LIMS1: variants seen among roughly 807,000 people sequenced by gnomAD.
The protein encoded by LIMS1 is LIM and senescent cell antigen-like-containing domain protein 1.
In LIMS1, 18 loss-of-function variants were observed where a neutral mutation model predicts 44.1. That is an observed-to-expected ratio of 0.41 (90% confidence interval 0.28 to 0.61). The LOEUF is 0.61. Among genes scored for constraint, LIMS1 ranks in the 20% least tolerant of loss-of-function variants. The pLI is 0.32. For synonymous variants in LIMS1, 93 were observed against 149.1 expected (o/e 0.62, Z 2.74); for missense variants, 201 against 422.0 (o/e 0.48, Z 4.59).
At chr2:108,644,607 C>T (rs373034692) in intron 1 of LIMS1, among the ~76,000 whole-genome samples, 11 of 152,268 alleles carry the variant, frequency 7.2e-5, no homozygotes, top group African/African-American at 2.6e-4. Flanking sequence ...AGGATCACAA[C>T]TCCTTGCCAG....
chr2:108,665,347 G>A (rs1334133933), intron 2 of LIMS1, among the ~76,000 whole-genome samples: 1 of 152,068 alleles, frequency 6.6e-6, no homozygotes, highest in African/African-American at 2.4e-5. Context: ...ACACAATGGT[G>A]AGTATTGTGT....
At chr2:108,678,456 A>G in intron 8 of LIMS1, 1 of 198,004 alleles carries the variant, frequency 5.1e-6, no homozygotes, top group South Asian at 9.1e-5. Flanking sequence ...GTACTGTGGT[A>G]ATTAGGCTGG....
intron 6 of LIMS1, 48 bp downstream of exon 6, chr2:108,676,076 A>G: frequency 6.4e-7 from 1 of 1,552,204 alleles, no homozygotes; most frequent in East Asian, 2.3e-5. Flanking sequence ...AATCTCCATG[A>G]TTAAGGGGTA....
intron 1 of LIMS1, among the ~76,000 whole-genome samples, chr2:108,601,268 C>A (rs571348639): frequency 1.1e-3 from 163 of 152,234 alleles, no homozygotes; most frequent in African/African-American, 3.9e-3. Flanking sequence ...TATTTTCTTA[C>A]ACTCACCAAA....
At chr2:108,641,799 G>A (rs1426035888) in intron 1 of LIMS1, among the ~76,000 whole-genome samples, 1 of 152,110 alleles carries the variant, frequency 6.6e-6, no homozygotes, top group Non-Finnish European at 1.5e-5. Flanking sequence ...TTACAAATCC[G>A]TATCTTTTTC....
exon 10 of LIMS1, chr2:108,684,026 A>G: frequency 8.6e-7 from 1 of 1,157,838 alleles, no homozygotes; most frequent in African/African-American, 1.5e-5. Context: ...TTTTCTATGC[A>G]AGATAAGAGA....
At chr2:108,646,705 G>GTTTTA (rs1433656210) in intron 1 of LIMS1, among the ~76,000 whole-genome samples, 1 of 152,104 alleles carries the variant, frequency 6.6e-6, no homozygotes, top group African/African-American at 2.4e-5. Flanking sequence ...GTTTTGTTTT[G>GTTTTA]TTTTATTTTG....
At chr2:108,586,042 A>T (rs1185254809) in intron 1 of LIMS1, among the ~76,000 whole-genome samples, 3 of 152,084 alleles carry the variant, frequency 2.0e-5, no homozygotes, top group African/African-American at 7.2e-5. Context: ...AATACAAAAA[A>T]TTAGCCGGGT....
chr2:108,620,690 G>C (rs1397716481), intron 1 of LIMS1, among the ~76,000 whole-genome samples: 1 of 152,102 alleles, frequency 6.6e-6, no homozygotes, highest in African/African-American at 2.4e-5. Flanking sequence ...TAATTACAAT[G>C]AATGAAGGAA....
chr2:108,636,037 A>G (rs1395735101), intron 1 of LIMS1, among the ~76,000 whole-genome samples: 1 of 152,210 alleles, frequency 6.6e-6, no homozygotes, highest in East Asian at 1.9e-4. Context: ...TACTAACTCT[A>G]ACAAGGTTTT....
At chr2:108,566,484 T>C (rs927708460) in intron 1 of LIMS1, among the ~76,000 whole-genome samples, 10 of 152,200 alleles carry the variant, frequency 6.6e-5, no homozygotes, top group Non-Finnish European at 8.8e-5. Context: ...GGCCACACAG[T>C]AGGTGGCAGA....
intron 3 of LIMS1, 43 bp downstream of exon 3, chr2:108,670,890 GC>G: frequency 6.8e-7 from 1 of 1,463,002 alleles, no homozygotes; most frequent in Non-Finnish European, 9.6e-7. Context: ...TAAGTTTCCG[GC>G]CAGGCGCGGT....
chr2:108,674,188 G>A (rs527368492), intron 5 of LIMS1, among the ~76,000 whole-genome samples: 31 of 151,710 alleles, frequency 2.0e-4, no homozygotes, highest in Admixed American at 2.0e-3. Context: ...AAATTAGCCG[G>A]GCACGGTGGC....
intron 1 of LIMS1, among the ~76,000 whole-genome samples, chr2:108,646,410 T>C (rs892576344): frequency 1.3e-5 from 2 of 151,936 alleles, no homozygotes; most frequent in Non-Finnish European, 1.5e-5. Flanking sequence ...AGGGCAAAAA[T>C]AAAGATGTTA....
intron 1 of LIMS1, among the ~76,000 whole-genome samples, chr2:108,537,940 A>G (rs1485902168): frequency 6.6e-6 from 1 of 152,168 alleles, no homozygotes; most frequent in Non-Finnish European, 1.5e-5. Flanking sequence ...CTCTATTTTC[A>G]ATAATGTTGT....
chr2:108,555,565 C>T (rs1158121046), intron 1 of LIMS1, among the ~76,000 whole-genome samples: 1 of 152,232 alleles, frequency 6.6e-6, no homozygotes, highest in Non-Finnish European at 1.5e-5. Flanking sequence ...GCACAAAGTG[C>T]TGTGTGCGTG....
chr2:108,663,885 G>T (rs1691559718), intron 2 of LIMS1, among the ~76,000 whole-genome samples: 1 of 152,000 alleles, frequency 6.6e-6, no homozygotes, highest in African/African-American at 2.4e-5. Context: ...CTCCCAAGTA[G>T]CTGGGATTAC....
chr2:108,542,577 A>G (rs114168790), intron 1 of LIMS1, among the ~76,000 whole-genome samples: 5,077 of 152,216 alleles, frequency 0.033, 177 homozygotes, highest in South Asian at 0.14. Flanking sequence ...TTGTTTTTCC[A>G]AGTCTCAAGG....
intron 1 of LIMS1, among the ~76,000 whole-genome samples, chr2:108,634,591 C>T (rs1367443254): frequency 6.6e-6 from 1 of 152,214 alleles, no homozygotes; most frequent in Non-Finnish European, 1.5e-5. Flanking sequence ...CTTGTCCTGG[C>T]GACATCTCTG....
Sources: gnomAD v4.1 joint callset for allele counts (sites outside exome capture counted in the v4.1 genomes callset) on GRCh38, gnomAD v4.1.1 for gene constraint, MANE v1.5 for transcripts, NCBI Gene and HGNC (gene_info 2026-07-23, HGNC 2026-07-21) for gene names.